Variants in GOT2 observed in about 807,000 individuals in gnomAD.
GOT2 encodes the protein aspartate aminotransferase, mitochondrial.
In GOT2, 17 loss-of-function variants were observed where a neutral mutation model predicts 50.0. The observed-to-expected ratio is 0.34, with a 90% CI of 0.23 to 0.51. The LOEUF is 0.51. Ranked by LOEUF, GOT2 falls within the 20% of genes least tolerant of loss-of-function variation. The pLI, the probability that GOT2 is intolerant of heterozygous loss-of-function variation, is 0.97. For synonymous variants in GOT2, 172 were observed against 204.9 expected (o/e 0.84, Z 1.37); for missense variants, 430 against 559.6 (o/e 0.77, Z 2.34).
intron 8 of GOT2, among the ~76,000 whole-genome samples, chr16:58,710,363 G>T (rs923158799): frequency 1.3e-5 from 2 of 151,276 alleles, no homozygotes; most frequent in South Asian, 2.1e-4. Context: ...GGGACCACAA[G>T]TGCATTCCAC....
intron 8 of GOT2, among the ~76,000 whole-genome samples, chr16:58,710,254 A>G (rs2044635310): frequency 6.6e-6 from 1 of 151,762 alleles, no homozygotes; most frequent in Non-Finnish European, 1.5e-5. Context: ...GTCTCAGTCT[A>G]TCACCCAGGC....
intron 9 of GOT2, chr16:58,709,205 G>A (rs1714664452): frequency 2.3e-6 from 1 of 441,946 alleles, no homozygotes; most frequent in African/African-American, 2.0e-5. Flanking sequence ...GGAGGTTGCA[G>A]TGAGCTGAGA....
At chr16:58,732,798 G>A (rs1387820683) in intron 1 of GOT2, among the ~76,000 whole-genome samples, 4 of 152,206 alleles carry the variant, frequency 2.6e-5, no homozygotes, top group Non-Finnish European at 4.4e-5. Flanking sequence ...ACTGCAATAG[G>A]GAAACATACT....
intron 7 of GOT2, 126 bp from the exon 8 acceptor site, chr16:58,716,305 TAA>T: frequency 1.1e-6 from 1 of 949,254 alleles, no homozygotes. Context: ...TTATTATAAA[TAA>T]AAAGCTTTCA....
Position 58,719,249 on chromosome 16 carries a change from T to C in GOT2, c.382A>G (p.Thr128Ala). Residue 128 changes from threonine (T) to alanine (A), a missense_variant, in exon 4 of 10, where the codon ACT becomes GCT. Transcript: ENST00000245206. ...SEVLKSGRFV[T>A]VQTISGTGAL... ...CCAGTTCCAGAAATGGTCTGCACAG[T>C]GACAAACTGAAGGAGAGATACCCAC... The C allele has an allele frequency of 1.2e-6, 2 of 1,612,540 alleles. No individual in the cohort carries two copies. Among genetic ancestry groups the C allele is most frequent in the Middle Eastern group, 1.7e-4 (1 of 6,048 alleles).
intron 9 of GOT2, chr16:58,709,072 G>C (rs2044624480): frequency 5.7e-6 from 1 of 176,194 alleles, no homozygotes; most frequent in African/African-American, 2.4e-5. Flanking sequence ...GACAAGCCCG[G>C]GCAACATGGC....
At chr16:58,729,417 C>G (rs1266289137) in intron 1 of GOT2, among the ~76,000 whole-genome samples, 1 of 149,588 alleles carries the variant, frequency 6.7e-6, no homozygotes, top group Non-Finnish European at 1.5e-5. Context: ...GTCCCAGCTA[C>G]TCAGGAGGCT....
In GOT2 at chr16:58,716,798, C is replaced by T; in HGVS notation, c.718G>A (p.Ala240Thr). Residue 240 changes from alanine (A) to threonine (T), a missense_variant, in exon 7 of 10, where the codon GCG (alanine) becomes ACG (threonine). Ala to Thr is a moderately conservative substitution (Grantham distance 58, BLOSUM62 0). Coordinates refer to ENST00000245206, the MANE Select transcript of GOT2 (RefSeq NM_002080.4). Reference sequence around the variant, plus strand: ...CCTTGGTAGGCCATGTCAAAGAACGCAAAGAGATTCCTTTTCTGAGAAGGA... The same window carrying T: ...CCTTGGTAGGCCATGTCAAAGAACGTAAAGAGATTCCTTTTCTGAGAAGGA... ...ATVVKKRNLFAFFDMAYQGFA... is the reference protein window; with the variant it reads ...ATVVKKRNLFTFFDMAYQGFA... 6.2e-7 allele frequency: 1 copy of T among 1,614,088 alleles called. No individual in the cohort carries two copies. The highest frequency in any genetic ancestry group is 2.2e-5 in the East Asian group (1 of 44,882).
intron 1 of GOT2, chr16:58,733,809 C>T (rs12922626): frequency 2.2e-5 from 6 of 279,034 alleles, no homozygotes; most frequent in Non-Finnish European, 4.0e-5. Context: ...GCCGCTGCCC[C>T]AGTACTATCC....
At chr16:58,733,953 G>A in intron 1 of GOT2, 187 bp downstream of exon 1, 1 of 399,792 alleles carries the variant, frequency 2.5e-6, no homozygotes, top group Non-Finnish European at 4.4e-6. Context: ...GGATCACTGT[G>A]GGGCACGGAC....
At chr16:58,731,160 G>T (rs1032544407) in intron 1 of GOT2, among the ~76,000 whole-genome samples, 3 of 151,962 alleles carry the variant, frequency 2.0e-5, no homozygotes, top group African/African-American at 7.2e-5. Flanking sequence ...TTGAGACACA[G>T]TCTTGCTTTG....
At position 58,712,202 on chromosome 16, in the gene GOT2, A is replaced by T. The variant is rs553172231; in HGVS notation, c.1020-2635T>A. ...TCTCCCTTTAGTCATCATTTATTCC[A>T]TTCTGTCTTATATTAAATATCATGT... On this transcript the variant is annotated intron_variant, in intron 8 of 9. Transcript: ENST00000245206. Among the ~76,000 whole-genome samples the T allele has an allele frequency of 6.3e-3, 954 of 152,028 alleles. 5 individuals are homozygous for T. Among genetic ancestry groups the T allele is most frequent in the Non-Finnish European group, 9.8e-3 (663 of 67,994 alleles).
chr16:58,716,290 T>C, intron 7 of GOT2, 111 bp from the exon 8 acceptor site: 1 of 1,061,142 alleles, frequency 9.4e-7, no homozygotes. Flanking sequence ...GACCCCAAAA[T>C]AACTTTATTA....
Position 58,720,272 on chromosome 16 carries a change from C to A in GOT2, c.376-1017G>T, listed in dbSNP as rs1211739027. On this transcript the variant is annotated intron_variant, in intron 3 of 9. Transcript: ENST00000245206. Reference sequence around the variant, plus strand: ...TGTGTTTTCATAATCTGAAAATATTCATGTTTTGGGTAATAGGAAGATGCC... The same window carrying A: ...TGTGTTTTCATAATCTGAAAATATTAATGTTTTGGGTAATAGGAAGATGCC... Among the ~76,000 whole-genome samples the A allele has an allele frequency of 2.0e-5, 3 of 152,246 alleles. No homozygotes were observed. In the East Asian group the frequency reaches 5.8e-4, roughly 29 times the overall value.
chr16:58,721,924 G>A, intron 3 of GOT2: 2 of 370,276 alleles, frequency 5.4e-6, no homozygotes, highest in South Asian at 3.5e-5. Context: ...GGGATTACAG[G>A]CATGTGTCAC....
intron 1 of GOT2, among the ~76,000 whole-genome samples, chr16:58,727,987 G>A (rs79924208): frequency 5.0e-5 from 1 of 20,106 alleles, no homozygotes; most frequent in Non-Finnish European, 1.0e-4. Flanking sequence ...CCCAACAAAG[G>A]TTCTCTTAAT....
intron 2 of GOT2, among the ~76,000 whole-genome samples, chr16:58,723,316 A>G (rs780016257): frequency 1.3e-5 from 2 of 152,224 alleles, no homozygotes; most frequent in Non-Finnish European, 2.9e-5. Context: ...AGCAGGAAGA[A>G]AGGACAGAGC....
Position 58,734,282 on chromosome 16 carries a change from G to T in GOT2, c.-54C>A, listed in dbSNP as rs560899229. On this transcript the variant is annotated 5_prime_UTR_variant, in exon 1 of 10. Transcript: ENST00000245206. The stretch of plus-strand genomic sequence containing the variant: ...CGCAGGACGGAGCAGAGGGCGAGCG[G>T]ACACACACACAGGGAACCGGCTCCT... 172 of 980,456 alleles carry T rather than the reference G, an allele frequency of 1.8e-4. No homozygotes were observed. Among genetic ancestry groups the T allele is most frequent in the Non-Finnish European group, 2.3e-4 (170 of 740,816 alleles). The allele number at this position is 980,456 out of a possible 1,614,324, so 60.7% of individuals were successfully genotyped here.
At chr16:58,729,115 C>G (rs1439995744) in intron 1 of GOT2, among the ~76,000 whole-genome samples, 1 of 151,798 alleles carries the variant, frequency 6.6e-6, no homozygotes, top group Non-Finnish European at 1.5e-5. Flanking sequence ...TTTTGTGTTG[C>G]TGTGGCTCTA....
Sources: allele counts gnomAD v4.1 joint callset (sites outside exome capture counted in the v4.1 genomes callset), GRCh38; gene constraint gnomAD v4.1.1; transcripts MANE v1.5; gene names NCBI Gene and HGNC (gene_info 2026-07-23, HGNC 2026-07-21).